The following NKAIN3 variants were observed in gnomAD, a reference collection of about 807,000 sequenced individuals.
The protein encoded by NKAIN3 is sodium/potassium-transporting ATPase subunit beta-1-interacting protein 3.
In NKAIN3, 25 loss-of-function variants were observed where a neutral mutation model predicts 30.2. That is an observed-to-expected ratio of 0.83 (90% CI 0.60 to 1.16). NKAIN3 has a LOEUF of 1.16. NKAIN3 is among the 50% of genes most tolerant of loss of function. The probability of loss-of-function intolerance (pLI) is 0.00; values close to 1 mark genes in which losing one functional copy is unlikely to be tolerated. For synonymous variants in NKAIN3, 91 were observed against 89.6 expected, an observed-to-expected ratio of 1.02 and a Z score of -0.09; for missense variants, 225 against 254.1, an observed-to-expected ratio of 0.89 and a Z score of 0.78.
At chr8:62,546,705 C>G (rs183019464) in intron 1 of NKAIN3, among the ~76,000 whole-genome samples, 16 of 152,232 alleles carry the variant, frequency 1.1e-4, no homozygotes, top group African/African-American at 3.9e-4. Flanking sequence ...TCTGGAATGC[C>G]TCTGGATAAA....
intron 1 of NKAIN3, among the ~76,000 whole-genome samples, chr8:62,416,680 G>T (rs2351952): frequency 0.56 from 84,613 of 151,990 alleles, 25,870 homozygotes; most frequent in East Asian, 0.67. Context: ...ATACTTTATT[G>T]GTTATTTTAA....
chr8:62,648,053 G>A (rs983201214), intron 3 of NKAIN3, among the ~76,000 whole-genome samples: 1 of 152,018 alleles, frequency 6.6e-6, no homozygotes, highest in Admixed American at 6.6e-5. Flanking sequence ...AGTGATTCTC[G>A]GGTTTCTGAT....
At chr8:62,330,316 A>G (rs752574989) in intron 1 of NKAIN3, among the ~76,000 whole-genome samples, 5 of 151,974 alleles carry the variant, frequency 3.3e-5, no homozygotes, top group Admixed American at 3.3e-4. Context: ...AAGCACAAAC[A>G]TGACTACCAT....
intron 4 of NKAIN3, among the ~76,000 whole-genome samples, chr8:62,910,920 A>G (rs1563623783): frequency 6.6e-6 from 1 of 152,198 alleles, no homozygotes; most frequent in South Asian, 2.1e-4. Flanking sequence ...GTAAATGCCA[A>G]TGGATGAACC....
intron 4 of NKAIN3, among the ~76,000 whole-genome samples, chr8:62,806,881 T>A (rs1290762848): frequency 1.3e-5 from 2 of 151,906 alleles, no homozygotes. Flanking sequence ...CTTGTTTATT[T>A]CCACTTGTCT....
chr8:62,841,615 A>T (rs550645778), intron 4 of NKAIN3, among the ~76,000 whole-genome samples: 7 of 152,276 alleles, frequency 4.6e-5, no homozygotes, highest in Non-Finnish European at 1.0e-4. Flanking sequence ...TTAGCATAAC[A>T]TCTGCTAGAT....
intron 4 of NKAIN3, among the ~76,000 whole-genome samples, chr8:62,792,735 G>A (rs1393831970): frequency 1.3e-5 from 2 of 152,134 alleles, no homozygotes; most frequent in African/African-American, 4.8e-5. Context: ...ACATGAATAA[G>A]TCTTGAAAGA....
intron 4 of NKAIN3, among the ~76,000 whole-genome samples, chr8:62,911,566 A>T (rs1322231793): frequency 6.6e-6 from 1 of 152,082 alleles, no homozygotes; most frequent in African/African-American, 2.4e-5. Flanking sequence ...ACACTGAAAG[A>T]AAATCCAGAG....
chr8:62,908,466 G>T (rs933919499), intron 4 of NKAIN3, among the ~76,000 whole-genome samples: 3 of 151,980 alleles, frequency 2.0e-5, no homozygotes, highest in Non-Finnish European at 4.4e-5. Context: ...GGAATGTTAT[G>T]GTTTGGCTGT....
intron 4 of NKAIN3, among the ~76,000 whole-genome samples, chr8:62,819,081 C>T (rs1452740774): frequency 2.7e-5 from 4 of 150,244 alleles, no homozygotes; most frequent in Non-Finnish European, 5.9e-5. Flanking sequence ...ATAGTAATGG[C>T]ATGCCCAAAG....
chr8:62,688,799 C>T (rs1435610852), intron 3 of NKAIN3, among the ~76,000 whole-genome samples: 1 of 151,854 alleles, frequency 6.6e-6, no homozygotes, highest in Non-Finnish European at 1.5e-5. Context: ...TCTCCCCTTA[C>T]AGAGTCTTTT....
At chr8:62,764,722 G>A (rs1304726170) in intron 4 of NKAIN3, among the ~76,000 whole-genome samples, 5 of 152,194 alleles carry the variant, frequency 3.3e-5, no homozygotes, top group African/African-American at 1.2e-4. Context: ...AAAGATATTA[G>A]AGTTATAAAG....
intron 1 of NKAIN3, among the ~76,000 whole-genome samples, chr8:62,440,468 C>T (rs1805290458): frequency 6.6e-6 from 1 of 152,104 alleles, no homozygotes; most frequent in African/African-American, 2.4e-5. Flanking sequence ...AATAAAAGTT[C>T]CCTCCTCTTG....
chr8:62,861,388 C>A (rs1820234568), intron 4 of NKAIN3, among the ~76,000 whole-genome samples: 1 of 152,104 alleles, frequency 6.6e-6, no homozygotes, highest in African/African-American at 2.4e-5. Context: ...TCAAATGTCA[C>A]CAGGGATATA....
chr8:62,595,582 C>T (rs1353546326), intron 3 of NKAIN3, among the ~76,000 whole-genome samples: 3 of 151,746 alleles, frequency 2.0e-5, no homozygotes, highest in Non-Finnish European at 2.9e-5. Context: ...CCTGTTTTTG[C>T]CTAATTAGCA....
At chr8:62,491,492 A>G (rs1018664739) in intron 1 of NKAIN3, among the ~76,000 whole-genome samples, 5 of 152,192 alleles carry the variant, frequency 3.3e-5, no homozygotes, top group African/African-American at 9.6e-5. Flanking sequence ...AGACTTTGCT[A>G]TCCTTTCCTT....
At chr8:62,723,015 T>G (rs1284205466) in intron 3 of NKAIN3, among the ~76,000 whole-genome samples, 1 of 152,150 alleles carries the variant, frequency 6.6e-6, no homozygotes, top group Non-Finnish European at 1.5e-5. Context: ...TAATCAGAAC[T>G]GTTTCCAGCC....
chr8:62,376,950 A>C (rs2129593696), intron 1 of NKAIN3, among the ~76,000 whole-genome samples: 1 of 152,256 alleles, frequency 6.6e-6, no homozygotes, highest in South Asian at 2.1e-4. Flanking sequence ...TGATTTTTCT[A>C]TATATAACAC....
intron 1 of NKAIN3, among the ~76,000 whole-genome samples, chr8:62,286,119 G>C (rs1458522852): frequency 2.0e-5 from 3 of 152,112 alleles, no homozygotes; most frequent in Non-Finnish European, 4.4e-5. Flanking sequence ...ATGATTTAAA[G>C]GAAGGAAGTG....
Sources: gnomAD v4.1 joint callset for allele counts (sites outside exome capture counted in the v4.1 genomes callset) on GRCh38, gnomAD v4.1.1 for gene constraint, MANE v1.5 for transcripts, NCBI Gene and HGNC (gene_info 2026-07-23, HGNC 2026-07-21) for gene names.